Variants in FHL2 observed in about 807,000 individuals in gnomAD.
FHL2 encodes four and a half LIM domains 2.
A neutral mutation model predicts 32.7 loss-of-function variants in FHL2; 20 were observed. The ratio of observed to expected loss-of-function variants is 0.61; its 90% CI spans 0.43 to 0.89. FHL2 has a LOEUF of 0.89. Among genes scored for constraint, FHL2 ranks in the 40% least tolerant of loss-of-function variants. The pLI is 0.00. For synonymous variants in FHL2, 123 were observed against 128.1 expected, an observed-to-expected ratio of 0.96 and a Z score of 0.27; for missense variants, 311 against 358.6, an observed-to-expected ratio of 0.87 and a Z score of 1.07.
intron 3 of FHL2, among the ~76,000 whole-genome samples, chr2:105,384,665 GC>G (rs1260861072): frequency 6.6e-6 from 1 of 152,136 alleles, no homozygotes; most frequent in Non-Finnish European, 1.5e-5. Flanking sequence ...GCACCACCAC[GC>G]CCAGCTAATT....
chr2:105,429,471 A>C (rs1684362353), intron 1 of FHL2, among the ~76,000 whole-genome samples: 1 of 152,160 alleles, frequency 6.6e-6, no homozygotes, highest in African/African-American at 2.4e-5. Flanking sequence ...GTGAAAGAGA[A>C]ATGTGAAGAT....
chr2:105,400,178 A>C (rs1280411844), upstream of FHL2, among the ~76,000 whole-genome samples: 1 of 152,178 alleles, frequency 6.6e-6, no homozygotes, highest in Non-Finnish European at 1.5e-5. Context: ...AGTTCAGCTC[A>C]GATTTGCTCC....
chr2:105,370,580 G>C (rs1282999134), intron 4 of FHL2, among the ~76,000 whole-genome samples: 1 of 152,094 alleles, frequency 6.6e-6, no homozygotes, highest in Non-Finnish European at 1.5e-5. Context: ...TTGTGTGGGG[G>C]GTGTGGAGCT....
intron 4 of FHL2, 154 bp downstream of exon 4, chr2:105,373,405 G>A (rs1157108364): frequency 1.1e-5 from 8 of 746,562 alleles, no homozygotes; most frequent in Admixed American, 2.1e-5. Context: ...TCCCTGCTTC[G>A]TAAGTACTCT....
intron 1 of FHL2, among the ~76,000 whole-genome samples, chr2:105,435,788 C>T (rs993962772): frequency 6.6e-6 from 1 of 152,198 alleles, no homozygotes; most frequent in African/African-American, 2.4e-5. Context: ...TGCCACTGCA[C>T]TCCAGCCTGG....
intron 1 of FHL2, among the ~76,000 whole-genome samples, chr2:105,438,049 A>T (rs2104692417): frequency 6.6e-6 from 1 of 152,306 alleles, no homozygotes; most frequent in South Asian, 2.1e-4. Context: ...CCCCTTAAAA[A>T]ATGTTTTCCG....
In FHL2 at chr2:105,386,492, G is replaced by C; in HGVS notation, c.25C>G (p.His9Asp). MTERFDCH[H>D]CNESLFGKKY... ...TTGCCAAAGAGAGATTCGTTGCAAT[G>C]GTGGCAGTCAAAGCGCTCAGTCATT... The change falls in exon 3 of 7, where the codon CAT (histidine) becomes GAT (aspartate). Residue 9 changes from histidine to aspartate, a missense_variant. By Grantham distance (81) the His-to-Asp change is moderately conservative. Coordinates refer to ENST00000530340, the MANE Select transcript of FHL2 (RefSeq NM_001318895.3). 6.2e-7 allele frequency: 1 copy of C among 1,614,200 alleles called. No individual in the cohort carries two copies. The highest frequency in any genetic ancestry group is 1.1e-5 in the South Asian group (1 of 91,088).
upstream of FHL2, chr2:105,399,570 AGG>A (rs746903234): frequency 2.4e-4 from 368 of 1,535,766 alleles, no homozygotes; most frequent in Non-Finnish European, 3.1e-4. Context: ...TCCACTACGG[AGG>A]GGACTAAAGG....
At chr2:105,437,347 C>G (rs1230838369) in intron 1 of FHL2, among the ~76,000 whole-genome samples, 1 of 152,098 alleles carries the variant, frequency 6.6e-6, no homozygotes, top group Non-Finnish European at 1.5e-5. Flanking sequence ...TTGGTCATTA[C>G]ACATTCTATG....
At chr2:105,364,771 G>C (rs893078040) in intron 5 of FHL2, among the ~76,000 whole-genome samples, 1 of 152,114 alleles carries the variant, frequency 6.6e-6, no homozygotes, top group Non-Finnish European at 1.5e-5. Context: ...TTGTGAAGTA[G>C]GAAAGATATT....
At chr2:105,419,396 A>G (rs1470233478) in intron 1 of FHL2, among the ~76,000 whole-genome samples, 1 of 152,156 alleles carries the variant, frequency 6.6e-6, no homozygotes, top group Non-Finnish European at 1.5e-5. Context: ...AGTCTATTGC[A>G]TCATTTGTAT....
At chr2:105,386,752 TC>T (rs1682349361) in intron 2 of FHL2, among the ~76,000 whole-genome samples, 1 of 142,978 alleles carries the variant, frequency 7.0e-6, no homozygotes, top group Admixed American at 7.1e-5. Flanking sequence ...TTGAATGCAT[TC>T]CACTTTTTTT....
At chr2:105,396,607 T>A in intron 2 of FHL2, 40 bp downstream of exon 2, 2 of 1,588,704 alleles carry the variant, frequency 1.3e-6, no homozygotes, top group South Asian at 2.2e-5. Context: ...AAAACTGAAA[T>A]CCACAATTTA....
intron 3 of FHL2, chr2:105,378,481 A>C: frequency 3.8e-6 from 1 of 266,108 alleles, no homozygotes; most frequent in Non-Finnish European, 7.4e-6. Flanking sequence ...CTTTCCCTTC[A>C]GGCTGGTGTA....
intron 2 of FHL2, among the ~76,000 whole-genome samples, chr2:105,396,425 G>A (rs1299555227): frequency 5.3e-5 from 8 of 152,130 alleles, no homozygotes; most frequent in Non-Finnish European, 1.5e-5. Context: ...TCAACTGTTT[G>A]GACAAGGCCC....
exon 1 of FHL2, chr2:105,438,500 G>T: frequency 2.0e-6 from 2 of 985,572 alleles, no homozygotes; most frequent in Non-Finnish European, 2.4e-6. Context: ...CTTCTGTGCA[G>T]CTGCCAGCCA....
Position 105,399,019 on chromosome 2 carries a change from G to A in FHL2, c.-253C>T. ...CCGGACGGGGCTGGAGGGCGCGGGCGGCTGGTGGCTGCGGCTCCGCTGCCG... is the reference window on the plus strand; with the variant it reads ...CCGGACGGGGCTGGAGGGCGCGGGCAGCTGGTGGCTGCGGCTCCGCTGCCG... On this transcript the variant is annotated 5_prime_UTR_variant, in exon 1 of 7. Coordinates refer to ENST00000530340, the MANE Select transcript of FHL2 (RefSeq NM_001318895.3). 3.3e-6 allele frequency: 5 copies of A among 1,494,348 alleles called. No homozygotes were observed. Among genetic ancestry groups the A allele is most frequent in the African/African-American group, 1.5e-5 (1 of 68,394 alleles). The allele number at this position is 1,494,348 out of a possible 1,614,324, so 92.6% of individuals were successfully genotyped here.
upstream of FHL2, among the ~76,000 whole-genome samples, chr2:105,402,239 G>A (rs1458253549): frequency 6.8e-6 from 1 of 146,992 alleles, no homozygotes; most frequent in Non-Finnish European, 1.5e-5. Flanking sequence ...ATATATATGT[G>A]TGTGTGTGTA....
downstream of FHL2, chr2:105,358,667 T>A (rs1412798380): frequency 1.3e-5 from 2 of 152,252 alleles, no homozygotes; most frequent in African/African-American, 4.8e-5. Context: ...TGGGGAAATT[T>A]TCAGAGACTT....
Sources: allele counts gnomAD v4.1 joint callset (sites outside exome capture counted in the v4.1 genomes callset), GRCh38; gene constraint gnomAD v4.1.1; transcripts MANE v1.5; gene names NCBI Gene and HGNC (gene_info 2026-07-23, HGNC 2026-07-21).